The following GPR158 variants were observed in gnomAD, a reference collection of about 807,000 sequenced individuals.
The protein encoded by GPR158 is metabotropic glycine receptor.
A neutral mutation model predicts 78.2 loss-of-function variants in GPR158; 30 were observed. The ratio of observed to expected loss-of-function variants is 0.38; its 90% CI spans 0.29 to 0.52. The LOEUF is 0.52. Among genes scored for constraint, GPR158 ranks in the 20% least tolerant of loss-of-function variants. The probability of loss-of-function intolerance (pLI) is 0.83; values close to 1 mark genes in which losing one functional copy is unlikely to be tolerated. For missense variants in GPR158, 1,463 were observed against 1,523.5 expected, an observed-to-expected ratio of 0.96 and a Z score of 0.66; for synonymous variants, 581 against 591.1, an observed-to-expected ratio of 0.98 and a Z score of 0.25.
intron 4 of GPR158, among the ~76,000 whole-genome samples, chr10:25,426,214 A>G (rs903828439): frequency 3.9e-5 from 6 of 152,146 alleles, no homozygotes; most frequent in African/African-American, 1.4e-4. Context: ...CTTTGCCTTA[A>G]AGGAATGTTG....
Position 25,175,275 on chromosome 10 carries a change from T to G in GPR158, c.-146T>G. 1.8e-6 allele frequency: 1 copy of G among 562,568 alleles called. No individual in the cohort carries two copies. 34.8% of individuals were successfully genotyped at this position (562,568 alleles called of 1,614,324 possible). ...CCACCCGGGGCCAATCTCGAAACAT[T>G]CTTATTTTCAAGTCCTTTGGACTGG... is the stretch of plus-strand genomic sequence containing the variant. On this transcript the variant is annotated 5_prime_UTR_variant, in exon 1 of 11. In the 5' UTR this introduces an upstream ATG that the reference lacks. Transcript: ENST00000376351. The surrounding 1 kb of genome is among the most constrained non-coding windows in gnomAD (Gnocchi z 6.4).
Position 25,396,015 on chromosome 10 carries a change from TA to T in GPR158, c.1111+4del. 1 of 1,437,472 alleles carries T rather than the reference TA, an allele frequency of 7.0e-7. No homozygotes were observed. Among genetic ancestry groups the T allele is most frequent in the Non-Finnish European group, 9.8e-7 (1 of 1,019,032 alleles). The allele number at this position is 1,437,472 out of a possible 1,614,324, so 89.0% of individuals were successfully genotyped here. On this transcript the variant is annotated splice_donor_region_variant and intron_variant, in intron 3 of 10. Coordinates refer to ENST00000376351, the MANE Select transcript of GPR158 (RefSeq NM_020752.3). ...TCTTACCAGTGAACAACTTTCGGAG[TA>T]AGTGCCCTTTGTTTCTATGTATATA...
At chr10:25,324,213 T>A (rs1283776285) in intron 2 of GPR158, among the ~76,000 whole-genome samples, 1 of 152,276 alleles carries the variant, frequency 6.6e-6, no homozygotes, top group Non-Finnish European at 1.5e-5. Context: ...GGCCTGGCTT[T>A]CAGCCTATCT....
chr10:25,236,487 G>A (rs1428346625), intron 2 of GPR158, among the ~76,000 whole-genome samples: 4 of 152,100 alleles, frequency 2.6e-5, no homozygotes, highest in Non-Finnish European at 5.9e-5. Context: ...CAGCCTGGGC[G>A]ACAGAGCGAG....
chr10:25,363,126 A>T (rs1306876930), intron 2 of GPR158, among the ~76,000 whole-genome samples: 2 of 151,832 alleles, frequency 1.3e-5, no homozygotes, highest in African/African-American at 4.8e-5. Context: ...AGATTACTTT[A>T]TTATAATTAA....
chr10:25,301,905 C>A (rs1007848700), intron 2 of GPR158, among the ~76,000 whole-genome samples: 1 of 152,132 alleles, frequency 6.6e-6, no homozygotes, highest in Non-Finnish European at 1.5e-5. Context: ...ACCTCCTCTG[C>A]CAGGCAACTG....
intron 5 of GPR158, among the ~76,000 whole-genome samples, chr10:25,468,334 T>C (rs1415478911): frequency 6.6e-6 from 1 of 152,194 alleles, no homozygotes; most frequent in African/African-American, 2.4e-5. Flanking sequence ...ACGCAAATTC[T>C]TTACAGGTAT....
chr10:25,216,704 T>A (rs1487031073), intron 1 of GPR158, among the ~76,000 whole-genome samples: 1 of 152,158 alleles, frequency 6.6e-6, no homozygotes, highest in Non-Finnish European at 1.5e-5. Context: ...AATAAGGGAC[T>A]CTCTTCCATA....
intron 1 of GPR158, among the ~76,000 whole-genome samples, chr10:25,183,949 C>CT (rs1161666705): frequency 6.6e-6 from 1 of 152,156 alleles, no homozygotes; most frequent in Non-Finnish European, 1.5e-5. Context: ...TGAGATGTGT[C>CT]TTACAATTGA....
At chr10:25,471,445 C>G (rs1835500746) in intron 5 of GPR158, among the ~76,000 whole-genome samples, 1 of 152,112 alleles carries the variant, frequency 6.6e-6, no homozygotes. Context: ...TTTATAGCTG[C>G]ATGATTTATA....
intron 2 of GPR158, among the ~76,000 whole-genome samples, chr10:25,326,273 A>G (rs535558798): frequency 6.6e-6 from 1 of 152,316 alleles, no homozygotes; most frequent in East Asian, 1.9e-4. Context: ...TGTCCCTGCA[A>G]AGGACATGAT....
chr10:25,598,625 A>T lies in GPR158; in HGVS notation c.2999A>T (p.Asn1000Ile), dbSNP rs1295971301. The T allele has an allele frequency of 1.9e-6, 3 of 1,614,106 alleles. No individual in the cohort carries two copies. Among genetic ancestry groups the T allele is most frequent in the Admixed American group, 3.3e-5 (2 of 60,012 alleles). Residue 1000 changes from asparagine to isoleucine, a missense_variant, in exon 11 of 11, where the codon AAC becomes ATC. By Grantham distance (149) the Asn-to-Ile change is moderately radical (BLOSUM62 -3). Transcript: ENST00000376351. ...CCAGGCACCACCCAGATGAAGGACA[A>T]CTTTGACATTGGGGAGGTGTGTCCT... ...LNPGTTQMKD[N>I]FDIGEVCPWE... is the part of the protein sequence containing the mutation.
At chr10:25,340,133 C>T (rs925806276) in intron 2 of GPR158, among the ~76,000 whole-genome samples, 2 of 152,088 alleles carry the variant, frequency 1.3e-5, no homozygotes, top group Admixed American at 6.6e-5. Context: ...GAGTAGAGTG[C>T]TCACCTCAGT....
intron 2 of GPR158, among the ~76,000 whole-genome samples, chr10:25,291,477 A>C (rs1490631240): frequency 6.6e-6 from 1 of 152,080 alleles, no homozygotes; most frequent in South Asian, 2.1e-4. Flanking sequence ...AATGGCTTCA[A>C]CATCACTCTA....
At chr10:25,331,606 ACTTAAC>A (rs1284614946) in intron 2 of GPR158, among the ~76,000 whole-genome samples, 1 of 152,194 alleles carries the variant, frequency 6.6e-6, no homozygotes, top group Non-Finnish European at 1.5e-5. Flanking sequence ...GTAAGGAATA[ACTTAAC>A]CTTAAGAAAG....
chr10:25,318,997 C>T (rs1008040088), intron 2 of GPR158, among the ~76,000 whole-genome samples: 6 of 152,164 alleles, frequency 3.9e-5, no homozygotes, highest in African/African-American at 1.4e-4. Context: ...TTTGCAATCC[C>T]TGGATTAAAG....
chr10:25,340,077 G>A (rs1438321068), intron 2 of GPR158, among the ~76,000 whole-genome samples: 1 of 152,020 alleles, frequency 6.6e-6, no homozygotes, highest in African/African-American at 2.4e-5. Flanking sequence ...TACTGATTAA[G>A]CTCTAGGCCA....
chr10:25,206,325 A>C (rs1274014721), intron 1 of GPR158, among the ~76,000 whole-genome samples: 1 of 152,184 alleles, frequency 6.6e-6, no homozygotes, highest in Non-Finnish European at 1.5e-5. Flanking sequence ...TTTAAGAAAT[A>C]GTTGATTAAA....
intron 2 of GPR158, among the ~76,000 whole-genome samples, chr10:25,257,677 G>A (rs1394826037): frequency 1.3e-5 from 2 of 151,884 alleles, no homozygotes; most frequent in Non-Finnish European, 2.9e-5. Flanking sequence ...TTCTCATTTT[G>A]TCCATTCTGC....
Sources: gnomAD v4.1 joint callset for allele counts (sites outside exome capture counted in the v4.1 genomes callset) on GRCh38, gnomAD v4.1.1 for gene constraint, Gnocchi (gnomAD v3.1) non-coding constraint, MANE v1.5 for transcripts, NCBI Gene and HGNC (gene_info 2026-07-23, HGNC 2026-07-21) for gene names.